CPZ: variants seen among roughly 807,000 people sequenced by gnomAD.
The protein encoded by CPZ is VEZT/CPZ fusion.
A neutral mutation model predicts 61.8 loss-of-function variants in CPZ; 103 were observed. The observed-to-expected ratio is 1.67, with a 90% confidence interval of 1.42 to 1.96. The LOEUF is 1.96. Ranked by LOEUF, CPZ falls within the 30% of genes most tolerant of loss-of-function variation. CPZ has a pLI of 0.00. For missense variants in CPZ, 1,461 were observed against 914.9 expected (o/e 1.60, Z -7.70); for synonymous variants, 551 against 373.7 (o/e 1.47, Z -5.47).
Position 8,604,029 on chromosome 4 carries a change from C to G in CPZ, c.550C>G (p.Arg184Gly), listed in dbSNP as rs149059553. The change falls in exon 4 of 11, where the codon CGC becomes GGC. Residue 184 changes from arginine to glycine, a missense_variant. Physicochemically the swap from Arg to Gly is moderately radical, Grantham distance 125. Transcript: ENST00000360986. ...LPSGLPPTFI[R>G]FSHHSYAQMV... Reference sequence around the variant, plus strand: ...CTCAGGGCTGCCGCCCACCTTCATCCGCTTCAGCCACCACTCCTACGCCCA... The same window carrying G: ...CTCAGGGCTGCCGCCCACCTTCATCGGCTTCAGCCACCACTCCTACGCCCA... 111 of 1,612,038 alleles carry G rather than the reference C, an allele frequency of 6.9e-5. No homozygotes were observed. The highest frequency in any genetic ancestry group is 9.0e-5 in the Non-Finnish European group (106 of 1,179,844).
intron 1 of CPZ, among the ~76,000 whole-genome samples, chr4:8,595,893 C>T (rs1714139753): frequency 6.6e-6 from 1 of 152,188 alleles, no homozygotes; most frequent in African/African-American, 2.4e-5. Flanking sequence ...CACATGACAA[C>T]AGAGGCAGGG....
chr4:8,594,447 G>C (rs548165443), intron 1 of CPZ, among the ~76,000 whole-genome samples: 1 of 152,302 alleles, frequency 6.6e-6, no homozygotes, highest in Non-Finnish European at 1.5e-5. Context: ...TCATGTCCTA[G>C]GGTCTGGGAT....
Position 8,601,470 on chromosome 4 carries a change from T to G in CPZ, c.469T>G (p.Cys157Gly). Residue 157 changes from cysteine (C) to glycine (G), a missense_variant, in exon 3 of 11, where the codon TGC becomes GGC. Coordinates refer to ENST00000360986, the MANE Select transcript of CPZ (RefSeq NM_001014447.3). ...HRYFTREDEG[C>G]YDPLEKLRGG... The stretch of plus-strand genomic sequence containing the variant: ...CTACTTCACGAGAGAGGACGAGGGC[T>G]GCTATGACCCGCTGGAGAAGCTTCG... The G allele has an allele frequency of 6.6e-7, 1 of 1,504,142 alleles. No homozygotes were observed. Among genetic ancestry groups the G allele is most frequent in the Non-Finnish European group, 8.9e-7 (1 of 1,124,932 alleles). The allele number at this position is 1,504,142 out of a possible 1,614,324, so 93.2% of individuals were successfully genotyped here.
Position 8,604,084 on chromosome 4 carries a change from C to T in CPZ, c.605C>T (p.Ser202Phe). 6.2e-7 allele frequency: 1 copy of T among 1,609,436 alleles called. No homozygotes were observed. The highest frequency in any genetic ancestry group is 8.5e-7 in the Non-Finnish European group (1 of 1,178,748). The change falls in exon 4 of 11, where the codon TCC (serine) becomes TTC (phenylalanine). Residue 202 changes from serine to phenylalanine, a missense_variant. Ser to Phe is a radical substitution (Grantham distance 155). Coordinates refer to ENST00000360986, the MANE Select transcript of CPZ (RefSeq NM_001014447.3). ...GTGCGTGTGCTGAGGCGGACGGCCT[C>T]CCGCTGCGCCCACGTGGCCAGGACC... Reference protein sequence around the residue: ...QMVRVLRRTASRCAHVARTYS... With the variant: ...QMVRVLRRTAFRCAHVARTYS...
chr4:8,606,237 C>T (rs777928675), intron 5 of CPZ, 52 bp downstream of exon 5: 19 of 1,519,848 alleles, frequency 1.3e-5, no homozygotes, highest in African/African-American at 4.1e-5. Flanking sequence ...ACCACCCCCT[C>T]ATTCATCCAT....
chr4:8,617,996 G>A (rs958078477), intron 9 of CPZ: 9 of 198,454 alleles, frequency 4.5e-5, no homozygotes, highest in Admixed American at 1.1e-4. Flanking sequence ...CTGCTCGAGC[G>A]AGGGTCCGAG....
At chr4:8,618,034 C>T (rs1168917238) in intron 9 of CPZ, 21 of 258,206 alleles carry the variant, frequency 8.1e-5, no homozygotes, top group African/African-American at 2.0e-4. Flanking sequence ...CCCATGCCCA[C>T]GCCACCTTCA....
Position 8,606,155 on chromosome 4 carries a change from C to T in CPZ, c.876C>T (p.Asn292=), listed in dbSNP as rs891446611. The T allele has an allele frequency of 6.2e-7, 1 of 1,614,134 alleles. No individual in the cohort carries two copies. The highest frequency in any genetic ancestry group is 8.5e-7 in the Non-Finnish European group (1 of 1,180,020). ...TTRIHLLPSM[N]PDGYEVAAAE... ...GCATCCACCTGCTGCCCTCCATGAA[C>T]CCTGACGGCTATGAGGTGGCAGCTG... Residue 292 remains asparagine (N), a synonymous_variant, in exon 5 of 11, where the codon AAC becomes AAT. Coordinates refer to ENST00000360986, the MANE Select transcript of CPZ (RefSeq NM_001014447.3).
intron 1 of CPZ, among the ~76,000 whole-genome samples, chr4:8,596,034 G>A (rs1714150878): frequency 6.6e-6 from 1 of 151,626 alleles, no homozygotes; most frequent in African/African-American, 2.4e-5. Context: ...CAGCCTTCCA[G>A]CCTCCAGGGC....
At chr4:8,597,109 C>G (rs1369610622) in intron 1 of CPZ, among the ~76,000 whole-genome samples, 1 of 152,154 alleles carries the variant, frequency 6.6e-6, no homozygotes, top group Non-Finnish European at 1.5e-5. Flanking sequence ...GCATCTGCCT[C>G]GGTCCAAGCT....
chr4:8,611,063 C>T (rs1457839565), intron 7 of CPZ: 6 of 358,006 alleles, frequency 1.7e-5, no homozygotes, highest in East Asian at 7.5e-5. Flanking sequence ...CGCTCACTCA[C>T]TCATTCACTC....
chr4:8,593,291 G>C lies in CPZ; in HGVS notation c.88+370G>C, dbSNP rs184186699. On this transcript the variant is annotated intron_variant, in intron 1 of 10. Coordinates refer to ENST00000360986, the MANE Select transcript of CPZ (RefSeq NM_001014447.3). Reference sequence around the variant, plus strand: ...GGTGAGAGGCCATCTAAGGTCCCCGGGTCTTTCCAGGAACGGGACAGTCTC... The same window carrying C: ...GGTGAGAGGCCATCTAAGGTCCCCGCGTCTTTCCAGGAACGGGACAGTCTC... Among the ~76,000 whole-genome samples, 5 of 152,274 alleles carry C rather than the reference G, an allele frequency of 3.3e-5. No homozygotes were observed. In the East Asian group the frequency reaches 7.7e-4, roughly 24 times the overall value.
At position 8,603,998 on chromosome 4, in the gene CPZ, A is replaced by G. The variant is rs778860107; in HGVS notation, c.519A>G (p.Ala173=). 1 of 1,612,154 alleles carries G rather than the reference A, an allele frequency of 6.2e-7. No individual in the cohort carries two copies. The highest frequency in any genetic ancestry group is 8.5e-7 in the Non-Finnish European group (1 of 1,179,802). ...KLRGGLEADE[A]LPSGLPPTFI... ...CAGGAGGCCTGGAGGCTGACGAGGC[A>G]CTGCCCTCAGGGCTGCCGCCCACCT... The change falls in exon 4 of 11, where the codon GCA becomes GCG. Residue 173 remains alanine, a synonymous_variant. Transcript: ENST00000360986.
chr4:8,619,221 G>A (rs763872250), intron 10 of CPZ, 41 bp from the exon 11 acceptor site: 3 of 1,537,816 alleles, frequency 2.0e-6, no homozygotes, highest in East Asian at 2.4e-5. Flanking sequence ...GGCTGGGTCT[G>A]CAGTCCTCGT....
intron 1 of CPZ, 103 bp from the exon 2 acceptor site, chr4:8,599,350 C>G: frequency 7.3e-7 from 1 of 1,366,762 alleles, no homozygotes; most frequent in Non-Finnish European, 9.7e-7. Flanking sequence ...CGGAGGGTGG[C>G]CTGGGCTGGT....
At chr4:8,596,218 A>G (rs1002563826) in intron 1 of CPZ, among the ~76,000 whole-genome samples, 4 of 151,946 alleles carry the variant, frequency 2.6e-5, no homozygotes, top group Non-Finnish European at 5.9e-5. Flanking sequence ...TGCCCGGCTA[A>G]TTTTTGTATT....
At chr4:8,609,184 G>GCATTCACTCACT (rs1553877660) in intron 7 of CPZ, among the ~76,000 whole-genome samples, 4 of 109,402 alleles carry the variant, frequency 3.7e-5, no homozygotes, top group Admixed American at 1.1e-4. Flanking sequence ...ATTCACTCAG[G>GCATTCACTCACT]CATTCACTCA....
At chr4:8,597,680 C>G (rs747521052) in intron 1 of CPZ, 2 of 152,304 alleles carry the variant, frequency 1.3e-5, no homozygotes, top group African/African-American at 2.4e-5. Flanking sequence ...GCCTGCTGCT[C>G]TCCCACACTC....
At chr4:8,603,924 G>A (rs1714753497) in intron 3 of CPZ, 52 bp from the exon 4 acceptor site, 3 of 1,521,318 alleles carry the variant, frequency 2.0e-6, no homozygotes, top group Non-Finnish European at 2.7e-6. Context: ...CCAGGCAGTG[G>A]TAGGAAGCCT....
Sources: allele counts gnomAD v4.1 joint callset (sites outside exome capture counted in the v4.1 genomes callset), GRCh38; gene constraint gnomAD v4.1.1; transcripts MANE v1.5; gene names NCBI Gene and HGNC (gene_info 2026-07-23, HGNC 2026-07-21).